The following ZNF618 variants were observed in gnomAD, a reference collection of about 807,000 sequenced individuals.
ZNF618 encodes zinc finger protein 618, also known as neural precursor cell expressed, developmentally down-regulated 10.
ZNF618 carries 34 observed loss-of-function variants against 103.0 expected under a neutral mutation model. The observed-to-expected ratio is 0.33, with a 90% CI of 0.25 to 0.44. ZNF618 has a LOEUF of 0.44. Among genes scored for constraint, ZNF618 ranks in the 20% least tolerant of loss-of-function variants. The pLI is 1.00. For synonymous variants in ZNF618, 551 were observed against 542.2 expected, an observed-to-expected ratio of 1.02 and a Z score of -0.23; for missense variants, 1,059 against 1,295.4, an observed-to-expected ratio of 0.82 and a Z score of 2.80.
At chr9:113,904,089 A>G (rs1587991740) in intron 1 of ZNF618, among the ~76,000 whole-genome samples, 1 of 134,002 alleles carries the variant, frequency 7.5e-6, no homozygotes, top group Admixed American at 7.5e-5. Context: ...TTGATGCCCT[A>G]TTTTTTCCAT....
intron 1 of ZNF618, among the ~76,000 whole-genome samples, chr9:113,883,349 C>G (rs1382284423): frequency 1.3e-5 from 2 of 152,192 alleles, no homozygotes; most frequent in Non-Finnish European, 2.9e-5. Context: ...CTCCTCACTC[C>G]TTTTGTATAA....
intron 1 of ZNF618, among the ~76,000 whole-genome samples, chr9:113,954,418 G>A (rs1836056639): frequency 6.6e-6 from 1 of 152,232 alleles, no homozygotes; most frequent in South Asian, 2.1e-4. Context: ...GGATACCCAA[G>A]CAACCTACAT....
chr9:113,982,303 C>T (rs763239578), intron 2 of ZNF618, among the ~76,000 whole-genome samples: 10 of 151,986 alleles, frequency 6.6e-5, no homozygotes, highest in Non-Finnish European at 1.3e-4. Context: ...AGTGAGATTC[C>T]CTCTGAAAGC....
At chr9:114,008,783 A>C (rs996602371) in intron 9 of ZNF618, among the ~76,000 whole-genome samples, 2 of 152,204 alleles carry the variant, frequency 1.3e-5, no homozygotes, top group African/African-American at 4.8e-5. Flanking sequence ...GCTGGGGCTG[A>C]GTCCTGGCGC....
In ZNF618 at chr9:113,951,540, T is replaced by C. The variant is rs375753532; in HGVS notation, c.34-17577T>C. ...GTATATGTACACATATGTGTGTACA[T>C]ATGTACACATATGTGTGTGTATATG... On this transcript the variant is annotated intron_variant, in intron 1 of 14. Transcript: ENST00000374126. 7.9e-3 allele frequency among the ~76,000 whole-genome samples: 370 copies of C among 47,106 alleles called. 10 individuals are homozygous for C. Among genetic ancestry groups the C allele is most frequent in the Admixed American group, 0.012 (40 of 3,442 alleles). 30.9% of individuals were successfully genotyped at this position (47,106 alleles called of 152,430 possible).
chr9:114,007,301 C>A, intron 6 of ZNF618, 49 bp from the exon 7 acceptor site: 1 of 1,569,772 alleles, frequency 6.4e-7, no homozygotes, highest in South Asian at 1.1e-5. Flanking sequence ...AACCCCACCC[C>A]ACAAGACTGA....
At chr9:113,959,866 C>A (rs187004984) in intron 1 of ZNF618, among the ~76,000 whole-genome samples, 2 of 152,324 alleles carry the variant, frequency 1.3e-5, no homozygotes, top group East Asian at 3.9e-4. Context: ...GCCTCGGCCT[C>A]CCAAAGTGCT....
intron 1 of ZNF618, among the ~76,000 whole-genome samples, chr9:113,889,817 C>A (rs540623327): frequency 2.0e-5 from 3 of 152,276 alleles, no homozygotes; most frequent in South Asian, 4.1e-4. Flanking sequence ...CTGTCTATCC[C>A]AATCACCTAA....
chr9:113,923,745 T>A (rs771254964), intron 1 of ZNF618, among the ~76,000 whole-genome samples: 41 of 152,126 alleles, frequency 2.7e-4, no homozygotes, highest in Non-Finnish European at 5.3e-4. Flanking sequence ...TAGTTTTCCT[T>A]TTTTGTAATG....
At chr9:113,938,553 C>G (rs565428971) in intron 1 of ZNF618, among the ~76,000 whole-genome samples, 2 of 145,658 alleles carry the variant, frequency 1.4e-5, no homozygotes, top group South Asian at 4.3e-4. Flanking sequence ...TTCCTCCTCC[C>G]ATTATATTTT....
rs1338787147 is a variant in ZNF618, at chr9:114,047,943, G to A, written c.1297G>A (p.Val433Ile). 8.1e-6 allele frequency: 13 copies of A among 1,602,510 alleles called. No individual in the cohort carries two copies. The highest frequency in any genetic ancestry group is 1.1e-5 in the South Asian group (1 of 88,086). ...ASNQSRSPPAVVEEKWKPQAQ... is the reference protein window; with the variant it reads ...ASNQSRSPPAIVEEKWKPQAQ... ...CAACCAGTCCCGATCGCCACCTGCT[G>A]TTGTAGAAGAGAAGTGGAAACCTCA... is the stretch of plus-strand genomic sequence containing the variant. The change falls in exon 14 of 15, where the codon GTT (valine) becomes ATT (isoleucine). Residue 433 changes from valine to isoleucine, a missense_variant. This residue lies in a region of ZNF618 where 434 missense variants were observed against 476.0 expected (regional missense o/e 0.91). Transcript: ENST00000374126.
intron 1 of ZNF618, among the ~76,000 whole-genome samples, chr9:113,911,346 G>A (rs1402068735): frequency 6.6e-6 from 1 of 151,904 alleles, no homozygotes; most frequent in Non-Finnish European, 1.5e-5. Flanking sequence ...TTGTTTTTTT[G>A]AGATGGAGTT....
chr9:114,016,051 A>T lies in ZNF618; in HGVS notation c.755-644A>T, dbSNP rs1842622222. 2.0e-6 allele frequency: 3 copies of T among 1,492,246 alleles called. No individual in the cohort carries two copies. In the African/African-American group the frequency reaches 4.2e-5, roughly 21 times the overall value. 92.4% of individuals were successfully genotyped at this position (1,492,246 alleles called of 1,614,324 possible). ...TTTGTTTGGGGGTTACAGATGATTGAAATTTCTCTTTAGTTTTTATTCTGT... is the reference window on the plus strand; with the variant it reads ...TTTGTTTGGGGGTTACAGATGATTGTAATTTCTCTTTAGTTTTTATTCTGT... On this transcript the variant is annotated intron_variant, in intron 9 of 14. Coordinates refer to ENST00000374126, the MANE Select transcript of ZNF618 (RefSeq NM_001318042.2).
chr9:113,969,096 T>A, intron 1 of ZNF618, 21 bp from the exon 2 acceptor site: 2 of 1,613,754 alleles, frequency 1.2e-6, no homozygotes, highest in Non-Finnish European at 1.7e-6. Context: ...CTGATGTAGG[T>A]GTTTTGGGTT....
chr9:114,022,720 G>A (rs952951248), intron 10 of ZNF618, among the ~76,000 whole-genome samples: 2 of 150,514 alleles, frequency 1.3e-5, no homozygotes, highest in Non-Finnish European at 3.0e-5. Context: ...GTCTTACCAA[G>A]TTCTGAGAGA....
chr9:113,893,238 C>T (rs1197594710), intron 1 of ZNF618, among the ~76,000 whole-genome samples: 1 of 152,178 alleles, frequency 6.6e-6, no homozygotes, highest in African/African-American at 2.4e-5. Context: ...ACCCCAAAGC[C>T]TATGGAGTCC....
At chr9:114,014,716 G>A (rs1446032155) in intron 9 of ZNF618, among the ~76,000 whole-genome samples, 1 of 152,124 alleles carries the variant, frequency 6.6e-6, no homozygotes, top group Non-Finnish European at 1.5e-5. Flanking sequence ...CCACACATCA[G>A]AATTTTCTGG....
chr9:113,914,199 C>A (rs1408429001), intron 1 of ZNF618, among the ~76,000 whole-genome samples: 1 of 152,136 alleles, frequency 6.6e-6, no homozygotes, highest in African/African-American at 2.4e-5. Context: ...GATGAGAACA[C>A]CCTTTCTGTA....
chr9:114,044,316 T>G (rs940213979), intron 13 of ZNF618, among the ~76,000 whole-genome samples: 3 of 152,130 alleles, frequency 2.0e-5, no homozygotes. Flanking sequence ...TTTCCCCACT[T>G]TATGTTTTTG....
Sources: gnomAD v4.1 joint callset for allele counts (sites outside exome capture counted in the v4.1 genomes callset) on GRCh38, gnomAD v4.1.1 for gene constraint, gnomAD v4.1.1 regional missense constraint, MANE v1.5 for transcripts, NCBI Gene and HGNC (gene_info 2026-07-23, HGNC 2026-07-21) for gene names.